Variants in DNAH3 observed in about 807,000 individuals in gnomAD.
DNAH3 encodes axonemal beta dynein heavy chain 3.
Under a neutral mutation model 432.5 loss-of-function variants are expected in DNAH3, and 332 were observed. That is an observed-to-expected ratio of 0.77 (90% CI 0.70 to 0.84). The LOEUF (loss-of-function observed/expected upper bound fraction) is 0.84, where lower values mean the gene tolerates loss of function less well. Among genes scored for constraint, DNAH3 ranks in the 40% least tolerant of loss-of-function variants. DNAH3 has a pLI of 0.00. For synonymous variants in DNAH3, 1,956 were observed against 1,900.2 expected (o/e 1.03, Z -0.76); for missense variants, 4,861 against 5,114.0 (o/e 0.95, Z 1.51).
At position 20,984,263 on chromosome 16, in the gene DNAH3, GA is replaced by G. The variant is rs556243340; in HGVS notation, c.7665+813del. 3.3e-5 allele frequency among the ~76,000 whole-genome samples: 5 copies of G among 152,038 alleles called. No individual in the cohort carries two copies. In the East Asian group the frequency reaches 9.7e-4, roughly 29 times the overall value. Reference sequence around the variant, plus strand: ...CACAATGATAATATTTGCAGCATATGAAAAAAATCAGCCTGGCTTCATGGAA... The same window carrying G: ...CACAATGATAATATTTGCAGCATATGAAAAAATCAGCCTGGCTTCATGGAA... On this transcript the variant is annotated intron_variant, in intron 48 of 61. Coordinates refer to ENST00000261383, the Ensembl canonical transcript of DNAH3.
At chr16:20,997,025 A>G in intron 44 of DNAH3, 1 of 401,784 alleles carries the variant, frequency 2.5e-6, no homozygotes, top group Non-Finnish European at 4.5e-6. Flanking sequence ...TGCTGGCCAC[A>G]CTGAACTCTC....
At position 21,136,344 on chromosome 16, in the gene DNAH3, CA is replaced by C. The variant is rs1387779909; in HGVS notation, c.865del (p.Cys289ValfsTer4). The stretch of plus-strand genomic sequence containing the variant: ...CTTACCGATGCTTTTCATGAGGCTA[CA>C]GTAATAGTCATTCTCCTTCTCCTGC... On this transcript the variant is annotated frameshift_variant, in exon 6 of 62. Coordinates refer to ENST00000261383, the Ensembl canonical transcript of DNAH3. LOFTEE classifies it high-confidence loss of function. 1 of 1,613,822 alleles carries C rather than the reference CA, an allele frequency of 6.2e-7. No homozygotes were observed. The highest frequency in any genetic ancestry group is 8.5e-7 in the Non-Finnish European group (1 of 1,179,874).
At chr16:21,059,564 C>A (rs2090268438) in intron 26 of DNAH3, among the ~76,000 whole-genome samples, 1 of 152,108 alleles carries the variant, frequency 6.6e-6, no homozygotes. Context: ...CATTTGAGGT[C>A]AGGAGTTCGA....
At chr16:21,049,652 C>A (rs368353205) in exon 31 of DNAH3, 1 of 1,614,046 alleles carries the variant, frequency 6.2e-7, no homozygotes, top group Non-Finnish European at 8.5e-7. Context: ...GCTTTGTAAT[C>A]CAAACCATCG....
intron 44 of DNAH3, among the ~76,000 whole-genome samples, chr16:20,996,563 G>A (rs1385739695): frequency 2.6e-5 from 4 of 152,216 alleles, no homozygotes; most frequent in Admixed American, 6.5e-5. Flanking sequence ...GGGTTCAAGC[G>A]ATTGTCCTGC....
chr16:21,101,336 G>A (rs79919178), intron 16 of DNAH3, among the ~76,000 whole-genome samples: 2,759 of 152,168 alleles, frequency 0.018, 89 homozygotes, highest in African/African-American at 0.062. Flanking sequence ...TTGAACCATC[G>A]TAAGTCAGTG....
intron 7 of DNAH3, 165 bp downstream of exon 8, chr16:21,134,093 AG>A: frequency 1.6e-6 from 1 of 639,406 alleles, no homozygotes; most frequent in South Asian, 2.5e-5. Context: ...TAAGCCTGCA[AG>A]GAAAGGTGTC....
chr16:21,120,312 G>A (rs2152811340), intron 11 of DNAH3, among the ~76,000 whole-genome samples: 1 of 152,068 alleles, frequency 6.6e-6, no homozygotes, highest in East Asian at 1.9e-4. Context: ...TGCCCAGGCT[G>A]ATATTGAACT....
chr16:21,083,357 G>A (rs1340959924), intron 19 of DNAH3, among the ~76,000 whole-genome samples: 2 of 152,154 alleles, frequency 1.3e-5, no homozygotes, highest in Non-Finnish European at 1.5e-5. Context: ...AAGCACAAAA[G>A]CAAGGAACCC....
intron 7 of DNAH3, chr16:21,130,203 A>C (rs1279664851): frequency 6.6e-6 from 1 of 151,744 alleles, no homozygotes. Flanking sequence ...GACACCTCCT[A>C]GAACTATTGA....
At chr16:20,965,305 C>A in exon 53 of DNAH3, 1 of 1,612,900 alleles carries the variant, frequency 6.2e-7, no homozygotes, top group Non-Finnish European at 8.5e-7. Context: ...AAACCTTTCC[C>A]GGATCCGCTT....
At chr16:21,105,673 T>G (rs973366846) in intron 15 of DNAH3, among the ~76,000 whole-genome samples, 4 of 146,948 alleles carry the variant, frequency 2.7e-5, no homozygotes, top group Non-Finnish European at 4.5e-5. Context: ...GGCTGAGGCA[T>G]GAGAATTGAT....
intron 58 of DNAH3, 68 bp from the exon 59 acceptor site, chr16:20,941,611 T>G: frequency 6.4e-7 from 1 of 1,569,100 alleles, no homozygotes; most frequent in Non-Finnish European, 8.7e-7. Flanking sequence ...TGGATAAACT[T>G]TAAGTACTGA....
At chr16:21,120,731 C>T in intron 11 of DNAH3, 1 of 1,602,446 alleles carries the variant, frequency 6.2e-7, no homozygotes, top group South Asian at 1.1e-5. Flanking sequence ...GTAGTACCGG[C>T]CCTGGTACCT....
chr16:21,114,621 C>T (rs889210967), intron 12 of DNAH3, among the ~76,000 whole-genome samples: 1 of 152,086 alleles, frequency 6.6e-6, no homozygotes, highest in African/African-American at 2.4e-5. Flanking sequence ...ATTTATGCAG[C>T]CAAAAGACAC....
At chr16:20,948,091 A>G (rs1173201516) in intron 57 of DNAH3, among the ~76,000 whole-genome samples, 3 of 152,090 alleles carry the variant, frequency 2.0e-5, no homozygotes, top group African/African-American at 7.2e-5. Flanking sequence ...GCTCTTTTCT[A>G]TCCCTCAGAT....
exon 48 of DNAH3, chr16:20,985,099 A>G (rs2086124481): frequency 6.2e-7 from 1 of 1,613,726 alleles, no homozygotes; most frequent in African/African-American, 1.3e-5. Context: ...GAAGTTATAC[A>G]TAGAAAGAGG....
intron 20 of DNAH3, among the ~76,000 whole-genome samples, chr16:21,079,554 C>T (rs772422067): frequency 6.6e-5 from 10 of 151,954 alleles, no homozygotes; most frequent in South Asian, 6.2e-4. Context: ...ACCCAGGAGG[C>T]GGAGGTTGCA....
At chr16:21,110,362 C>T (rs138917002) in intron 14 of DNAH3, among the ~76,000 whole-genome samples, 9 of 152,300 alleles carry the variant, frequency 5.9e-5, no homozygotes, top group African/African-American at 1.9e-4. Context: ...TCAGGCCAAC[C>T]TCACATGGGC....
Sources: gnomAD v4.1 joint callset for allele counts (sites outside exome capture counted in the v4.1 genomes callset) on GRCh38, gnomAD v4.1.1 for gene constraint, MANE v1.5 for transcripts, NCBI Gene and HGNC (gene_info 2026-07-23, HGNC 2026-07-21) for gene names.